Variants in ZNF565 observed in about 807,000 individuals in gnomAD.
ZNF565 encodes the protein zinc finger protein 565.
In ZNF565, 27 loss-of-function variants were observed where a neutral mutation model predicts 39.4. That is an observed-to-expected ratio of 0.69 (90% CI 0.51 to 0.95). ZNF565 has a LOEUF of 0.95. ZNF565 is among the 40% of genes least tolerant of loss of function. The probability of loss-of-function intolerance (pLI) is 0.00; values close to 1 mark genes in which losing one functional copy is unlikely to be tolerated. For missense variants in ZNF565, 524 were observed against 621.1 expected (o/e 0.84, Z 1.66); for synonymous variants, 185 against 216.6 (o/e 0.85, Z 1.28).
chr19:36,193,145 G>A (rs988525457), intron 4 of ZNF565, among the ~76,000 whole-genome samples: 4 of 151,600 alleles, frequency 2.6e-5, no homozygotes, highest in African/African-American at 9.7e-5. Context: ...ATAGGCGTCT[G>A]CCACCGCACC....
At chr19:36,199,506 C>CTTTTTTTTTTTTTTTT (rs1183093969) in intron 2 of ZNF565, among the ~76,000 whole-genome samples, 2 of 128,950 alleles carry the variant, frequency 1.6e-5, no homozygotes, top group Non-Finnish European at 3.3e-5. Flanking sequence ...CTTTCTTTCT[C>CTTTTTTTTTTTTTTTT]TTTTTTTTTT....
At chr19:36,216,687 T>C, upstream of ZNF565, among the ~76,000 whole-genome samples, 1 of 151,888 alleles carries the variant, frequency 6.6e-6, no homozygotes, top group East Asian at 1.9e-4. Context: ...CTAATAAAAG[T>C]ATGGACAGGC....
intron 1 of ZNF565, among the ~76,000 whole-genome samples, chr19:36,223,840 C>T (rs1471084721): frequency 2.0e-5 from 3 of 150,506 alleles, no homozygotes; most frequent in Admixed American, 6.6e-5. Context: ...TTCATATCCT[C>T]GCTAATTTAA....
Position 36,182,859 on chromosome 19 carries a change from C to A in ZNF565, c.1107G>T (p.Gly369=), listed in dbSNP as rs771779231. ...GEKPYECKEC[G]KAFRQHAQLT... ...GCTGTGCGTGCTGTCTGAAGGCCTT[C>A]CCACATTCCTTACACTCATAGGGTT... is the stretch of plus-strand genomic sequence containing the variant. The change falls in exon 5 of 5, where the codon GGG becomes GGT. Residue 369 remains glycine, a synonymous_variant. Transcript: ENST00000304116. The A allele has an allele frequency of 6.2e-7, 1 of 1,614,120 alleles. No homozygotes were observed. The highest frequency in any genetic ancestry group is 1.1e-5 in the South Asian group (1 of 91,084).
At chr19:36,194,414 T>C (rs2287898) in intron 3 of ZNF565, 86 bp from the exon 4 acceptor site, 627,600 of 1,044,588 alleles carry the variant, frequency 0.6, 190,568 homozygotes, top group Admixed American at 0.67. Flanking sequence ...AAGACGCAAT[T>C]ACAAGGTAGG....
intron 1 of ZNF565, chr19:36,236,568 C>T (rs916973875): frequency 2.5e-6 from 4 of 1,614,174 alleles, no homozygotes; most frequent in Non-Finnish European, 3.4e-6. Context: ...AGAGAGAAAC[C>T]TTTTGAATGT....
chr19:36,243,364 G>A (rs1977830576), intron 1 of ZNF565, among the ~76,000 whole-genome samples: 1 of 152,100 alleles, frequency 6.6e-6, no homozygotes, highest in South Asian at 2.1e-4. Context: ...CCTCAGGGAA[G>A]GCAGACTTCC....
At chr19:36,225,329 G>C (rs1977019676) in intron 1 of ZNF565, among the ~76,000 whole-genome samples, 1 of 152,144 alleles carries the variant, frequency 6.6e-6, no homozygotes, top group African/African-American at 2.4e-5. Flanking sequence ...ACAAAAATAA[G>C]ATGTCTATTC....
intron 4 of ZNF565, among the ~76,000 whole-genome samples, chr19:36,192,848 C>T (rs1975611295): frequency 6.6e-6 from 1 of 151,554 alleles, no homozygotes; most frequent in Non-Finnish European, 1.5e-5. Context: ...TAGACGTTCA[C>T]TTTTGTCGCT....
chr19:36,197,764 T>C (rs1241121309), intron 2 of ZNF565, among the ~76,000 whole-genome samples: 9 of 152,116 alleles, frequency 5.9e-5, no homozygotes, highest in Admixed American at 2.0e-4. Context: ...AAAATCACTA[T>C]GCAGAACAAC....
At chr19:36,238,963 C>T (rs1463989942) in intron 1 of ZNF565, among the ~76,000 whole-genome samples, 6 of 152,086 alleles carry the variant, frequency 3.9e-5, no homozygotes, top group Non-Finnish European at 5.9e-5. Flanking sequence ...TGTGAGGAAT[C>T]CAGGTTGTGC....
At chr19:36,221,773 GGTTTTTT>G (rs1297542317) in intron 1 of ZNF565, among the ~76,000 whole-genome samples, 1 of 151,056 alleles carries the variant, frequency 6.6e-6, no homozygotes, top group Non-Finnish European at 1.5e-5. Flanking sequence ...CCTTCAAGTG[GGTTTTTT>G]GTTTTTTGTT....
At chr19:36,206,209 C>T (rs1976146789) in intron 1 of ZNF565, among the ~76,000 whole-genome samples, 1 of 152,112 alleles carries the variant, frequency 6.6e-6, no homozygotes, top group Non-Finnish European at 1.5e-5. Flanking sequence ...GATATCCCCA[C>T]TTCAGCCTCC....
At chr19:36,234,927 T>G (rs1977582282) in intron 1 of ZNF565, among the ~76,000 whole-genome samples, 1 of 152,206 alleles carries the variant, frequency 6.6e-6, no homozygotes, top group Non-Finnish European at 1.5e-5. Flanking sequence ...CTTACACTTT[T>G]TTTTCAGCCA....
chr19:36,183,736 G>A lies in ZNF565; in HGVS notation c.233-3C>T. Reference sequence around the variant, plus strand: ...TTTCTCACACCTGGACTCCAAGTCTGAAAAATAAGAAAAAGATAAATACAA... The same window carrying A: ...TTTCTCACACCTGGACTCCAAGTCTAAAAAATAAGAAAAAGATAAATACAA... On this transcript the variant is annotated splice_region_variant and splice_polypyrimidine_tract_variant and intron_variant, in intron 4 of 4. Coordinates refer to ENST00000304116, the MANE Select transcript of ZNF565 (RefSeq NM_152477.5). The A allele has an allele frequency of 6.3e-7, 1 of 1,592,828 alleles. No individual in the cohort carries two copies. The highest frequency in any genetic ancestry group is 1.4e-5 in the African/African-American group (1 of 73,522).
chr19:36,183,288 C>G lies in ZNF565; in HGVS notation c.678G>C (p.Lys226Asn). The change falls in exon 5 of 5, where the codon AAG (lysine) becomes AAC (asparagine). Residue 226 changes from lysine to asparagine, a missense_variant. By Grantham distance (94) the Lys-to-Asn change is moderately conservative. Transcript: ENST00000304116. ...TACGACCAAAGGCCTTCCCACAGTC[C>G]TTACAGTCATAAGGTTTCTCACCCG... ...IHTGEKPYDCKDCGKAFGRTS... is the reference protein window; with the variant it reads ...IHTGEKPYDCNDCGKAFGRTS... 1 of 1,614,126 alleles carries G rather than the reference C, an allele frequency of 6.2e-7. No homozygotes were observed. The highest frequency in any genetic ancestry group is 8.5e-7 in the Non-Finnish European group (1 of 1,180,028).
chr19:36,237,582 G>A, intron 1 of ZNF565: 2 of 303,114 alleles, frequency 6.6e-6, no homozygotes, highest in Non-Finnish European at 6.4e-6. Flanking sequence ...AACAGAAAAT[G>A]GAGGCCTGTT....
upstream of ZNF565, among the ~76,000 whole-genome samples, chr19:36,217,220 C>A (rs1976649252): frequency 6.6e-6 from 1 of 151,138 alleles, no homozygotes; most frequent in Non-Finnish European, 1.5e-5. Context: ...GCCACCACAC[C>A]CGGCTACTTT....
chr19:36,207,592 AAAAAG>A (rs775517277), intron 1 of ZNF565, among the ~76,000 whole-genome samples: 42 of 152,214 alleles, frequency 2.8e-4, no homozygotes, highest in Admixed American at 9.2e-4. Context: ...AAACAACAAC[AAAAAG>A]AAAAGAAAAG....
Sources: gnomAD v4.1 joint callset for allele counts (sites outside exome capture counted in the v4.1 genomes callset) on GRCh38, gnomAD v4.1.1 for gene constraint, MANE v1.5 for transcripts, NCBI Gene and HGNC (gene_info 2026-07-23, HGNC 2026-07-21) for gene names.